The following COL25A1 variants were observed in gnomAD, a reference collection of about 807,000 sequenced individuals.
COL25A1 encodes collagen alpha-1(XXV) chain.
A neutral mutation model predicts 128.4 loss-of-function variants in COL25A1; 103 were observed. The ratio of observed to expected loss-of-function variants is 0.80; its 90% CI spans 0.68 to 0.94. The LOEUF (loss-of-function observed/expected upper bound fraction) is 0.94. Ranked by LOEUF, COL25A1 falls within the 40% of genes least tolerant of loss-of-function variation. COL25A1 has a pLI of 0.00. For missense variants in COL25A1, 745 were observed against 840.0 expected, an observed-to-expected ratio of 0.89 and a Z score of 1.40; for synonymous variants, 279 against 277.2, an observed-to-expected ratio of 1.01 and a Z score of -0.06.
intron 3 of COL25A1, among the ~76,000 whole-genome samples, chr4:109,230,762 C>T (rs1216055256): frequency 6.6e-6 from 1 of 152,124 alleles, no homozygotes; most frequent in Non-Finnish European, 1.5e-5. Flanking sequence ...AGGTAGGTGA[C>T]AAAGAAATAG....
At chr4:109,269,456 G>T (rs1782039623) in intron 3 of COL25A1, among the ~76,000 whole-genome samples, 1 of 147,634 alleles carries the variant, frequency 6.8e-6, no homozygotes, top group Non-Finnish European at 1.5e-5. Context: ...CCAGTAATGG[G>T]ATGGCTGGGT....
chr4:109,218,394 A>T (rs1778201705), intron 3 of COL25A1, among the ~76,000 whole-genome samples: 1 of 54,790 alleles, frequency 1.8e-5, no homozygotes. Context: ...CTTTTGAACT[A>T]CACTTACTCT....
intron 20 of COL25A1, among the ~76,000 whole-genome samples, chr4:108,867,140 A>C (rs1170458478): frequency 2.0e-5 from 3 of 152,232 alleles, no homozygotes; most frequent in African/African-American, 7.2e-5. Flanking sequence ...AAACTAAAGA[A>C]AAGATATTTA....
At chr4:108,897,841 A>G (rs925218220) in intron 15 of COL25A1, among the ~76,000 whole-genome samples, 3 of 152,176 alleles carry the variant, frequency 2.0e-5, no homozygotes, top group Non-Finnish European at 2.9e-5. Flanking sequence ...ATTCTTTCAA[A>G]TAAGCATGAA....
At chr4:109,129,125 G>T (rs577881486) in intron 3 of COL25A1, among the ~76,000 whole-genome samples, 1 of 151,878 alleles carries the variant, frequency 6.6e-6, no homozygotes, top group Non-Finnish European at 1.5e-5. Flanking sequence ...ACCTTATTTT[G>T]TCAAATAATT....
At chr4:109,039,498 AC>A (rs1759665243) in intron 5 of COL25A1, among the ~76,000 whole-genome samples, 1 of 152,192 alleles carries the variant, frequency 6.6e-6, no homozygotes, top group Non-Finnish European at 1.5e-5. Context: ...TTTCACCCAG[AC>A]AAGTCCTTCA....
At chr4:108,921,682 C>T (rs1397019005) in intron 11 of COL25A1, among the ~76,000 whole-genome samples, 1 of 152,192 alleles carries the variant, frequency 6.6e-6, no homozygotes, top group African/African-American at 2.4e-5. Context: ...TAGGAACATT[C>T]AGAGAATCTG....
intron 3 of COL25A1, among the ~76,000 whole-genome samples, chr4:109,174,319 C>T (rs1375943084): frequency 1.3e-5 from 2 of 151,924 alleles, no homozygotes; most frequent in East Asian, 1.9e-4. Context: ...CAAACTGAAG[C>T]TCCCCCTCCC....
intron 3 of COL25A1, among the ~76,000 whole-genome samples, chr4:109,122,487 G>C (rs984434592): frequency 2.0e-5 from 3 of 151,994 alleles, no homozygotes; most frequent in Non-Finnish European, 2.9e-5. Flanking sequence ...GGAGAAGAAG[G>C]GAAGTCTGTC....
At chr4:109,261,581 T>A (rs1781447570) in intron 3 of COL25A1, among the ~76,000 whole-genome samples, 2 of 152,326 alleles carry the variant, frequency 1.3e-5, no homozygotes, top group South Asian at 4.1e-4. Flanking sequence ...TAGGCAAAGT[T>A]TGTTCCCTTG....
intron 22 of COL25A1, 58 bp downstream of exon 22, chr4:108,862,442 CA>C: frequency 7.5e-7 from 1 of 1,339,122 alleles, no homozygotes; most frequent in South Asian, 1.2e-5. Context: ...GTGGCAAAGG[CA>C]AAAAGCACAG....
chr4:108,983,146 CAT>C (rs372824008), intron 6 of COL25A1, among the ~76,000 whole-genome samples: 233 of 152,280 alleles, frequency 1.5e-3, no homozygotes, highest in South Asian at 0.01. Flanking sequence ...CCTTGCCTCA[CAT>C]GTTTTAAGAA....
chr4:109,030,012 C>T (rs756206357), intron 5 of COL25A1, among the ~76,000 whole-genome samples: 3 of 152,102 alleles, frequency 2.0e-5, no homozygotes, highest in Admixed American at 1.3e-4. Flanking sequence ...CTGCTACGGA[C>T]GTTAATACAC....
At chr4:109,272,691 A>G (rs1782274193) in intron 3 of COL25A1, among the ~76,000 whole-genome samples, 1 of 152,194 alleles carries the variant, frequency 6.6e-6, no homozygotes, top group Non-Finnish European at 1.5e-5. Context: ...GTATTACTAT[A>G]AAGAGCAATG....
intron 3 of COL25A1, among the ~76,000 whole-genome samples, chr4:109,056,211 T>TAATA (rs1466232941): frequency 6.6e-6 from 1 of 152,102 alleles, no homozygotes; most frequent in Non-Finnish European, 1.5e-5. Context: ...CTAACAAATG[T>TAATA]GTGAGGGACT....
intron 19 of COL25A1, among the ~76,000 whole-genome samples, chr4:108,877,850 C>A (rs149907853): frequency 6.6e-6 from 1 of 152,258 alleles, no homozygotes; most frequent in East Asian, 1.9e-4. Context: ...ATAATAAAAT[C>A]TTGACTGACT....
At chr4:109,043,547 C>T (rs3108942) in intron 5 of COL25A1, among the ~76,000 whole-genome samples, 76,419 of 151,736 alleles carry the variant, frequency 0.5, 21,358 homozygotes, top group African/African-American at 0.73. Flanking sequence ...CAAGCATAAT[C>T]ATAGGGCTTG....
At chr4:109,133,886 G>C (rs1224560761) in intron 3 of COL25A1, among the ~76,000 whole-genome samples, 2 of 152,136 alleles carry the variant, frequency 1.3e-5, no homozygotes, top group East Asian at 3.8e-4. Flanking sequence ...AGATAGAAAA[G>C]AACAGATAAT....
At chr4:109,082,000 T>C (rs962914990) in intron 3 of COL25A1, among the ~76,000 whole-genome samples, 3 of 152,300 alleles carry the variant, frequency 2.0e-5, no homozygotes, top group African/African-American at 7.2e-5. Context: ...CCACCGCGCG[T>C]AGCCCACTAA....
Sources: allele counts gnomAD v4.1 joint callset (sites outside exome capture counted in the v4.1 genomes callset), GRCh38; gene constraint gnomAD v4.1.1; transcripts MANE v1.5; gene names NCBI Gene and HGNC (gene_info 2026-07-23, HGNC 2026-07-21).